KIF6: variants seen among roughly 807,000 people sequenced by gnomAD.
The protein encoded by KIF6 is kinesin-like protein KIF6.
A neutral mutation model predicts 112.7 loss-of-function variants in KIF6; 106 were observed. The observed-to-expected ratio is 0.94, with a 90% confidence interval of 0.80 to 1.11. The LOEUF (loss-of-function observed/expected upper bound fraction) is 1.11, where lower values mean the gene tolerates loss of function less well. Ranked by LOEUF, KIF6 falls within the 50% of genes least tolerant of loss-of-function variation. KIF6 has a pLI of 0.00. For synonymous variants in KIF6, 339 were observed against 339.9 expected (o/e 1.00, Z 0.03); for missense variants, 929 against 964.0 (o/e 0.96, Z 0.48).
At chr6:39,509,213 C>T (rs1276510296) in intron 13 of KIF6, among the ~76,000 whole-genome samples, 1 of 152,184 alleles carries the variant, frequency 6.6e-6, no homozygotes. Context: ...CACCCCAAAA[C>T]CCCATCCGTA....
intron 13 of KIF6, among the ~76,000 whole-genome samples, chr6:39,524,645 G>T (rs1480297804): frequency 6.6e-6 from 1 of 152,180 alleles, no homozygotes; most frequent in Non-Finnish European, 1.5e-5. Context: ...GGGTAGAAAG[G>T]CCCTGTCCCC....
At chr6:39,367,468 G>C (rs1765651040) in intron 16 of KIF6, among the ~76,000 whole-genome samples, 1 of 152,190 alleles carries the variant, frequency 6.6e-6, no homozygotes, top group African/African-American at 2.4e-5. Context: ...TGGGGAGGCA[G>C]CTGCCTCCAA....
chr6:39,408,306 C>T (rs138146762), intron 15 of KIF6, among the ~76,000 whole-genome samples: 2 of 152,278 alleles, frequency 1.3e-5, no homozygotes, highest in East Asian at 3.9e-4. Context: ...GGGAAGGCAA[C>T]TGGGGAGTAG....
At chr6:39,710,341 C>G (rs1388805175) in intron 3 of KIF6, among the ~76,000 whole-genome samples, 4 of 152,010 alleles carry the variant, frequency 2.6e-5, no homozygotes, top group Admixed American at 2.0e-4. Flanking sequence ...CTCAAACAGA[C>G]AAACGCATTC....
intron 3 of KIF6, among the ~76,000 whole-genome samples, chr6:39,662,957 C>A (rs966753085): frequency 7.9e-5 from 12 of 151,526 alleles, no homozygotes; most frequent in Non-Finnish European, 1.8e-4. Flanking sequence ...TGCAGTGGCA[C>A]CATCATGGCT....
At chr6:39,472,956 A>G (rs55860200) in intron 13 of KIF6, among the ~76,000 whole-genome samples, 59,868 of 151,244 alleles carry the variant, frequency 0.4, 14,853 homozygotes, top group African/African-American at 0.71. Context: ...GCGCGATCTC[A>G]GCTCACCGCA....
At chr6:39,552,766 T>G (rs910856504) in intron 10 of KIF6, among the ~76,000 whole-genome samples, 3 of 148,736 alleles carry the variant, frequency 2.0e-5, no homozygotes, top group Non-Finnish European at 4.5e-5. Context: ...AAAAAAAGAG[T>G]TTTTAACAGG....
chr6:39,697,713 T>G (rs1788631530), intron 3 of KIF6, among the ~76,000 whole-genome samples: 1 of 151,862 alleles, frequency 6.6e-6, no homozygotes, highest in Non-Finnish European at 1.5e-5. Flanking sequence ...TGGCTAATCT[T>G]TTTTTTGTAT....
intron 10 of KIF6, among the ~76,000 whole-genome samples, chr6:39,573,103 C>T (rs1326124995): frequency 1.3e-5 from 2 of 151,680 alleles, no homozygotes; most frequent in Admixed American, 6.6e-5. Flanking sequence ...CATAAACCTG[C>T]AGGAATCTGC....
At chr6:39,519,553 A>C (rs1026505587) in intron 13 of KIF6, among the ~76,000 whole-genome samples, 5 of 152,158 alleles carry the variant, frequency 3.3e-5, no homozygotes, top group Non-Finnish European at 5.9e-5. Flanking sequence ...GAAATTCTAC[A>C]TACTATAACA....
chr6:39,709,833 T>C (rs1789435747), intron 3 of KIF6, among the ~76,000 whole-genome samples: 1 of 151,904 alleles, frequency 6.6e-6, no homozygotes, highest in Admixed American at 6.5e-5. Context: ...GACATTTCTG[T>C]TTAATATCTG....
At chr6:39,672,804 C>T (rs1053477118) in intron 3 of KIF6, among the ~76,000 whole-genome samples, 2 of 152,130 alleles carry the variant, frequency 1.3e-5, no homozygotes, top group Non-Finnish European at 2.9e-5. Context: ...CCTCATTTAA[C>T]CTTAATTACT....
chr6:39,369,993 C>A (rs1177846357), intron 16 of KIF6, among the ~76,000 whole-genome samples: 1 of 152,188 alleles, frequency 6.6e-6, no homozygotes, highest in South Asian at 2.1e-4. Context: ...AGCACCTCTC[C>A]CAGCCTACCC....
intron 16 of KIF6, among the ~76,000 whole-genome samples, chr6:39,376,786 GGAAATGTTTTAAACAGAGCCAT>G (rs1766473580): frequency 6.6e-6 from 1 of 152,144 alleles, no homozygotes; most frequent in Non-Finnish European, 1.5e-5. Flanking sequence ...ATCTGACTTT[GGAAATGTTTTAAACAGAGCCAT>G]GATATTGGAA....
intron 14 of KIF6, among the ~76,000 whole-genome samples, chr6:39,424,049 C>T (rs534176994): frequency 1.3e-5 from 2 of 152,284 alleles, no homozygotes; most frequent in South Asian, 2.1e-4. Context: ...CCTAACAGGG[C>T]GAAGTAGACT....
rs747903591 is a variant in KIF6, at chr6:39,540,037, C to T, written c.1611G>A (p.Leu537=). Residue 537 remains leucine (L), a synonymous_variant, in exon 13 of 23, where the codon TTG becomes TTA. Coordinates refer to ENST00000287152, the MANE Select transcript of KIF6 (RefSeq NM_145027.6). ...TGTGGAGCAAACTGGATCTTTTCCCCAAAATGCTGAAGTCCTGGGCCTGTG... is the reference window on the plus strand; with the variant it reads ...TGTGGAGCAAACTGGATCTTTTCCCTAAAATGCTGAAGTCCTGGGCCTGTG... ...APSQAQDFSI[L]GKRSSLLHKK... The T allele has an allele frequency of 4.4e-6, 7 of 1,606,368 alleles. No individual in the cohort carries two copies. The highest frequency in any genetic ancestry group is 3.3e-4 in the Middle Eastern group (2 of 6,030).
intron 9 of KIF6, among the ~76,000 whole-genome samples, chr6:39,582,912 T>C (rs1407741418): frequency 1.3e-5 from 2 of 152,240 alleles, no homozygotes; most frequent in Non-Finnish European, 2.9e-5. Context: ...TGTCAGTTTT[T>C]AGAGGCAATT....
At chr6:39,414,066 T>C (rs1269919335) in intron 15 of KIF6, among the ~76,000 whole-genome samples, 2 of 152,192 alleles carry the variant, frequency 1.3e-5, no homozygotes, top group East Asian at 3.9e-4. Context: ...AATGTTGACA[T>C]GGAAATGCTG....
At chr6:39,497,886 G>A (rs1775883220) in intron 13 of KIF6, among the ~76,000 whole-genome samples, 1 of 152,086 alleles carries the variant, frequency 6.6e-6, no homozygotes, top group African/African-American at 2.4e-5. Context: ...TTGGTAACTA[G>A]AGAGCCAACT....
Sources: gnomAD v4.1 joint callset for allele counts (sites outside exome capture counted in the v4.1 genomes callset) on GRCh38, gnomAD v4.1.1 for gene constraint, MANE v1.5 for transcripts, NCBI Gene and HGNC (gene_info 2026-07-23, HGNC 2026-07-21) for gene names.